CASP2: variants seen among roughly 807,000 people sequenced by gnomAD.
CASP2 encodes the protein caspase 2.
Under a neutral mutation model 54.4 loss-of-function variants are expected in CASP2, and 38 were observed. That is an observed-to-expected ratio of 0.70 (90% CI 0.54 to 0.92). The LOEUF (loss-of-function observed/expected upper bound fraction) is 0.92. Ranked by LOEUF, CASP2 falls within the 40% of genes least tolerant of loss-of-function variation. CASP2 has a pLI of 0.00. For missense variants in CASP2, 512 were observed against 579.6 expected, an observed-to-expected ratio of 0.88 and a Z score of 1.20; for synonymous variants, 215 against 216.3, an observed-to-expected ratio of 0.99 and a Z score of 0.05.
intron 6 of CASP2, 46 bp from the exon 7 acceptor site, chr7:143,299,877 T>C (rs1301273155): frequency 3.1e-6 from 5 of 1,612,790 alleles, no homozygotes; most frequent in Non-Finnish European, 4.2e-6. Flanking sequence ...GATGCTTATG[T>C]TGGTGCTGAC....
At chr7:143,289,166 T>G (rs913283668) in intron 1 of CASP2, among the ~76,000 whole-genome samples, 1 of 152,142 alleles carries the variant, frequency 6.6e-6, no homozygotes, top group Non-Finnish European at 1.5e-5. Context: ...GACTGAAGAT[T>G]AAGGTCTTCG....
chr7:143,292,568 C>G (rs1478305547), intron 3 of CASP2, 49 bp from the exon 4 acceptor site: 2 of 1,604,166 alleles, frequency 1.2e-6, no homozygotes, highest in South Asian at 2.2e-5. Context: ...TGTATTTGGA[C>G]CGGACCACTT....
At chr7:143,298,079 A>G (rs1801808367) in intron 6 of CASP2, among the ~76,000 whole-genome samples, 1 of 152,208 alleles carries the variant, frequency 6.6e-6, no homozygotes, top group Admixed American at 6.5e-5. Flanking sequence ...AACATATCAC[A>G]GTGTCCTGGA....
intron 8 of CASP2, 155 bp downstream of exon 8, chr7:143,300,449 C>T: frequency 1.3e-6 from 2 of 1,596,632 alleles, no homozygotes; most frequent in Non-Finnish European, 1.7e-6. Flanking sequence ...CTGTAAGTGT[C>T]TCCCAATGCA....
At chr7:143,303,536 C>A (rs1051893871) in intron 8 of CASP2, 1 of 433,186 alleles carries the variant, frequency 2.3e-6, no homozygotes, top group East Asian at 4.6e-5. Flanking sequence ...CTGCTCCAAC[C>A]GCATAGATGT....
chr7:143,300,600 A>C (rs1268363103), intron 8 of CASP2: 1 of 1,411,382 alleles, frequency 7.1e-7, no homozygotes, highest in Non-Finnish European at 9.4e-7. Flanking sequence ...GTGCTTCATT[A>C]ACTCTGGTGC....
chr7:143,301,341 A>G (rs994977884), intron 8 of CASP2: 2 of 152,112 alleles, frequency 1.3e-5, no homozygotes, highest in African/African-American at 4.8e-5. Flanking sequence ...ATTACCGCAG[A>G]ATATAGTCTG....
intron 4 of CASP2, 136 bp downstream of exon 4, chr7:143,292,834 A>C: frequency 1.4e-6 from 1 of 717,770 alleles, no homozygotes; most frequent in South Asian, 1.5e-5. Context: ...AACATGGTGA[A>C]ACCCCGTCTC....
chr7:143,297,151 T>C (rs1801780337), intron 6 of CASP2, among the ~76,000 whole-genome samples: 1 of 152,216 alleles, frequency 6.6e-6, no homozygotes, highest in Non-Finnish European at 1.5e-5. Context: ...CAAGTTACTC[T>C]CTTCACATGT....
At position 143,303,795 on chromosome 7, in the gene CASP2, C is replaced by A. The variant is rs369175154; in HGVS notation, c.979C>A (p.Arg327Ser). 1.2e-6 allele frequency: 2 copies of A among 1,613,732 alleles called. No homozygotes were observed. The highest frequency in any genetic ancestry group is 1.7e-6 in the Non-Finnish European group (2 of 1,179,802). ...TGCCTTTGTTACAGATGAGACTGAT[C>A]GTGGGGTTGACCAACAAGATGGAAA... ...IQACRGDETD[R>S]GVDQQDGKNH... The change falls in exon 9 of 11, where the codon CGT becomes AGT. Residue 327 changes from arginine (R) to serine (S), a missense_variant. Physicochemically the swap from Arg to Ser is moderately radical, Grantham distance 110 (BLOSUM62 -1). This residue lies in a region of CASP2 where 417 missense variants were observed against 495.4 expected (regional missense o/e 0.84). Transcript: ENST00000310447.
At chr7:143,289,938 C>A (rs1206029885) in intron 1 of CASP2, among the ~76,000 whole-genome samples, 1 of 152,092 alleles carries the variant, frequency 6.6e-6, no homozygotes, top group African/African-American at 2.4e-5. Flanking sequence ...TTCCAGGACC[C>A]AGCTCTTCCC....
chr7:143,307,614 TGAGA>T lies in CASP2; in HGVS notation c.*2550_*2553del, dbSNP rs1403978512. ...TGGGTCGACATAGTATGGAAGTATT[TGAGA>T]GAGAGAACCTTTCCACTCCCACTGC... is the stretch of plus-strand genomic sequence containing the variant. On this transcript the variant is annotated 3_prime_UTR_variant, in exon 11 of 11. Coordinates refer to ENST00000310447, the MANE Select transcript of CASP2 (RefSeq NM_032982.4). 6.6e-6 allele frequency: 1 copy of T among 152,182 alleles called. No individual in the cohort carries two copies. The highest frequency in any genetic ancestry group is 6.5e-5 in the Admixed American group (1 of 15,282). The allele number at this position is 152,182 out of a possible 1,614,324, so 9.4% of individuals were successfully genotyped here. A position where few individuals can be genotyped will look rare whatever the true frequency, so the allele number is the denominator to read the frequency against.
intron 6 of CASP2, among the ~76,000 whole-genome samples, chr7:143,297,707 G>C (rs1409563555): frequency 6.6e-6 from 1 of 152,112 alleles, no homozygotes; most frequent in Non-Finnish European, 1.5e-5. Flanking sequence ...TCGGCCTCCC[G>C]AAGTGCTGGG....
At chr7:143,300,793 A>G (rs1801895014) in intron 8 of CASP2, 20 of 1,176,328 alleles carry the variant, frequency 1.7e-5, no homozygotes, top group Non-Finnish European at 1.8e-5. Context: ...GTCATGCAGG[A>G]TAGCAGAACA....
At chr7:143,304,406 A>G (rs1278830312) in intron 9 of CASP2, among the ~76,000 whole-genome samples, 1 of 152,262 alleles carries the variant, frequency 6.6e-6, no homozygotes, top group Non-Finnish European at 1.5e-5. Flanking sequence ...ACTGTAGGAT[A>G]GTAACCATAA....
intron 6 of CASP2, among the ~76,000 whole-genome samples, chr7:143,296,774 C>A (rs1801766535): frequency 6.6e-6 from 1 of 151,122 alleles, no homozygotes; most frequent in Admixed American, 6.6e-5. Flanking sequence ...CCTATCAAAT[C>A]TTTCTTACTT....
Position 143,306,784 on chromosome 7 carries a change from C to T in CASP2, c.*1713C>T, listed in dbSNP as rs1188489590. 6.6e-6 allele frequency: 1 copy of T among 152,202 alleles called. No homozygotes were observed. Among genetic ancestry groups the T allele is most frequent in the Non-Finnish European group, 1.5e-5 (1 of 68,070 alleles). The allele number at this position is 152,202 out of a possible 1,614,324, so 9.4% of individuals were successfully genotyped here. On this transcript the variant is annotated 3_prime_UTR_variant, in exon 11 of 11. Transcript: ENST00000310447. ...TAGCTGGGCTTACAGGCATGAGCCA[C>T]CACACCTGGCCAGGATTTGGTTGTT... is the stretch of plus-strand genomic sequence containing the variant.
chr7:143,289,299 C>T (rs4647284), intron 1 of CASP2, among the ~76,000 whole-genome samples: 1,678 of 152,244 alleles, frequency 0.011, 37 homozygotes, highest in African/African-American at 0.037. Context: ...ATAATGTTCA[C>T]GTTTAAGACT....
chr7:143,288,613 CT>C, intron 1 of CASP2, 84 bp downstream of exon 1: 1 of 1,254,336 alleles, frequency 8.0e-7, no homozygotes, highest in Non-Finnish European at 1.1e-6. Flanking sequence ...CTGCAGCCCC[CT>C]CCCCTCGGAG....
Sources: allele counts gnomAD v4.1 joint callset (sites outside exome capture counted in the v4.1 genomes callset), GRCh38; gene constraint gnomAD v4.1.1; regional missense constraint gnomAD v4.1.1; transcripts MANE v1.5; gene names NCBI Gene and HGNC (gene_info 2026-07-23, HGNC 2026-07-21).